The following WWP1 variants were observed in gnomAD, a reference collection of about 807,000 sequenced individuals.
WWP1 encodes the protein NEDD4-like E3 ubiquitin-protein ligase WWP1.
A neutral mutation model predicts 130.6 loss-of-function variants in WWP1; 49 were observed. That is an observed-to-expected ratio of 0.38 (90% CI 0.30 to 0.48). The LOEUF (loss-of-function observed/expected upper bound fraction) is 0.48, where lower values mean the gene tolerates loss of function less well. Among genes scored for constraint, WWP1 ranks in the 20% least tolerant of loss-of-function variants. The pLI, the probability that WWP1 is intolerant of heterozygous loss-of-function variation, is 0.99. For missense variants in WWP1, 809 were observed against 1,100.6 expected, an observed-to-expected ratio of 0.74 and a Z score of 3.75; for synonymous variants, 332 against 367.8, an observed-to-expected ratio of 0.90 and a Z score of 1.11.
At chr8:86,363,048 A>G (rs1431544720) in intron 1 of WWP1, among the ~76,000 whole-genome samples, 1 of 152,192 alleles carries the variant, frequency 6.6e-6, no homozygotes, top group Non-Finnish European at 1.5e-5. Flanking sequence ...TCTTACCTTG[A>G]AGGTATCAAA....
At chr8:86,375,363 C>T (rs974340659) in intron 3 of WWP1, among the ~76,000 whole-genome samples, 1 of 151,910 alleles carries the variant, frequency 6.6e-6, no homozygotes, top group Non-Finnish European at 1.5e-5. Flanking sequence ...AGAGTCAAAA[C>T]CAAGGTACAT....
Position 86,461,859 on chromosome 8 carries a change from A to C in WWP1, c.2669+13A>C. Reference sequence around the variant, plus strand: ...GAAGCCATACATGGTAAGTTCAAGAATCCTAAATACGAAGGTGAAAGCCAC... The same window carrying C: ...GAAGCCATACATGGTAAGTTCAAGACTCCTAAATACGAAGGTGAAAGCCAC... On this transcript the variant is annotated intron_variant, in intron 24 of 24. Transcript: ENST00000517970. 6.2e-7 allele frequency: 1 copy of C among 1,602,672 alleles called. No individual in the cohort carries two copies. The highest frequency in any genetic ancestry group is 8.5e-7 in the Non-Finnish European group (1 of 1,171,986).
At chr8:86,390,120 C>T (rs928693642) in intron 5 of WWP1, among the ~76,000 whole-genome samples, 1 of 151,504 alleles carries the variant, frequency 6.6e-6, no homozygotes, top group Non-Finnish European at 1.5e-5. Context: ...GAGGCGCTCC[C>T]CACATCTCAG....
chr8:86,468,319 T>G lies in WWP1; in HGVS notation c.*1426T>G. On this transcript the variant is annotated 3_prime_UTR_variant, in exon 25 of 25. Coordinates refer to ENST00000517970, the MANE Select transcript of WWP1 (RefSeq NM_007013.4). ...TACATATTGAGAGTGTGTTCTCCATTTTATTCAGAATTCATAGTAAAGACG... is the reference window on the plus strand; with the variant it reads ...TACATATTGAGAGTGTGTTCTCCATGTTATTCAGAATTCATAGTAAAGACG... The G allele has an allele frequency of 2.3e-6, 1 of 432,066 alleles. No homozygotes were observed. Among genetic ancestry groups the G allele is most frequent in the Non-Finnish European group, 4.5e-6 (1 of 221,042 alleles). 26.8% of individuals were successfully genotyped at this position (432,066 alleles called of 1,614,324 possible).
intron 1 of WWP1, among the ~76,000 whole-genome samples, chr8:86,364,833 A>AGAG (rs1563468191): frequency 1.9e-3 from 215 of 113,810 alleles, no homozygotes; most frequent in East Asian, 2.8e-3. Context: ...GAAAGAAAGA[A>AGAG]AGAGAGAGAG....
intron 5 of WWP1, among the ~76,000 whole-genome samples, chr8:86,389,356 C>G (rs1005447159): frequency 6.6e-6 from 1 of 152,106 alleles, no homozygotes; most frequent in African/African-American, 2.4e-5. Context: ...AGTGTGATGA[C>G]TCTTAACGAG....
intron 14 of WWP1, among the ~76,000 whole-genome samples, chr8:86,432,340 T>C (rs1200810080): frequency 6.6e-6 from 1 of 152,186 alleles, no homozygotes; most frequent in Non-Finnish European, 1.5e-5. Flanking sequence ...TCTGTCCGTC[T>C]CCTACCATCT....
intron 22 of WWP1, among the ~76,000 whole-genome samples, chr8:86,460,147 T>C (rs1296557005): frequency 1.3e-5 from 2 of 152,232 alleles, no homozygotes; most frequent in Non-Finnish European, 2.9e-5. Flanking sequence ...AACCAGTCAA[T>C]GAAATAGATA....
chr8:86,438,145 T>G lies in WWP1; in HGVS notation c.1750-440T>G, dbSNP rs535583126. Among the ~76,000 whole-genome samples the G allele has an allele frequency of 1.1e-3, 174 of 152,240 alleles. 1 individual carries two copies. The highest frequency in any genetic ancestry group is 2.1e-3 in the Non-Finnish European group (144 of 67,990). On this transcript the variant is annotated intron_variant, in intron 16 of 24. Coordinates refer to ENST00000517970, the MANE Select transcript of WWP1 (RefSeq NM_007013.4). ...TAAAGTAAGCTAGAGAAAAGAAAAT[T>G]TTTTTAGAAAATCATAAGGAAGATA...
intron 20 of WWP1, among the ~76,000 whole-genome samples, chr8:86,450,914 A>G (rs7825890): frequency 0.04 from 6,132 of 151,992 alleles, 180 homozygotes; most frequent in African/African-American, 0.069. Flanking sequence ...GTATTAGACT[A>G]TGTCTTAAAA....
intron 21 of WWP1, among the ~76,000 whole-genome samples, chr8:86,453,199 C>T (rs925773965): frequency 6.6e-6 from 1 of 152,140 alleles, no homozygotes; most frequent in Non-Finnish European, 1.5e-5. Flanking sequence ...ACAAGTCCCC[C>T]TTTTCCCCAG....
chr8:86,437,210 G>A (rs1340182276), intron 16 of WWP1, among the ~76,000 whole-genome samples: 1 of 152,186 alleles, frequency 6.6e-6, no homozygotes, highest in Non-Finnish European at 1.5e-5. Flanking sequence ...CATATGTGTG[G>A]AATGTAATTT....
intron 9 of WWP1, among the ~76,000 whole-genome samples, chr8:86,423,403 G>A (rs969504867): frequency 7.2e-5 from 11 of 152,080 alleles, no homozygotes; most frequent in Non-Finnish European, 1.5e-5. Flanking sequence ...CTGGGTACTT[G>A]AGATTAGGGA....
chr8:86,377,855 A>G (rs73688827), intron 3 of WWP1, among the ~76,000 whole-genome samples: 22,374 of 152,130 alleles, frequency 0.15, 1,793 homozygotes, highest in Non-Finnish European at 0.19. Flanking sequence ...TGTGTCTTCT[A>G]AAGCATTTTC....
Position 86,425,274 on chromosome 8 carries a change from T to C in WWP1, c.1113T>C (p.Asn371=), listed in dbSNP as rs1328428458. 1 of 1,613,456 alleles carries C rather than the reference T, an allele frequency of 6.2e-7. No individual in the cohort carries two copies. The highest frequency in any genetic ancestry group is 1.3e-5 in the African/African-American group (1 of 75,036). Residue 371 remains asparagine (N), a synonymous_variant, in exon 10 of 25, where the codon AAT becomes AAC. Coordinates refer to ENST00000517970, the MANE Select transcript of WWP1 (RefSeq NM_007013.4). ...GTAGAACCTATTATGTGGATCATAATACTCGAACTACCACATGGGAGAGAC... is the reference window on the plus strand; with the variant it reads ...GTAGAACCTATTATGTGGATCATAACACTCGAACTACCACATGGGAGAGAC... The part of the protein sequence containing the change: ...PHGRTYYVDH[N]TRTTTWERPQ...
At chr8:86,412,019 C>A in intron 9 of WWP1, 145 bp downstream of exon 9, 2 of 799,068 alleles carry the variant, frequency 2.5e-6, no homozygotes, top group Non-Finnish European at 3.8e-6. Context: ...TATTTACTTG[C>A]TACAAAACAA....
At position 86,372,730 on chromosome 8, in the gene WWP1, ATG is replaced by A. The variant is rs542949131; in HGVS notation, c.-21-1299_-21-1298del. ...ATCTTTTATGTGGGTTTGTCCTTAT[ATG>A]CATTGGTCTGTTTTAGGGCTTCCTA... On this transcript the variant is annotated intron_variant, in intron 2 of 24. Transcript: ENST00000517970. Among the ~76,000 whole-genome samples the A allele has an allele frequency of 1.1e-3, 163 of 152,036 alleles. 1 individual carries two copies. Among genetic ancestry groups the A allele is most frequent in the African/African-American group, 3.7e-3 (155 of 41,452 alleles).
intron 16 of WWP1, 65 bp from the exon 17 acceptor site, chr8:86,438,520 A>G: frequency 8.3e-7 from 1 of 1,205,008 alleles, no homozygotes; most frequent in South Asian, 1.6e-5. Flanking sequence ...TTAAATTTAA[A>G]TTGTTTTGAA....
chr8:86,398,758 G>T (rs1807814398), intron 7 of WWP1, 120 bp downstream of exon 7: 1 of 1,029,406 alleles, frequency 9.7e-7, no homozygotes, highest in Non-Finnish European at 1.4e-6. Context: ...TTATGTCTAA[G>T]CATGTCATTT....
Sources: allele counts gnomAD v4.1 joint callset (sites outside exome capture counted in the v4.1 genomes callset), GRCh38; gene constraint gnomAD v4.1.1; transcripts MANE v1.5; gene names NCBI Gene and HGNC (gene_info 2026-07-23, HGNC 2026-07-21).